Variants in CLYBL observed in about 807,000 individuals in gnomAD.
The protein encoded by CLYBL is citramalyl-CoA lyase.
In CLYBL, 31 loss-of-function variants were observed where a neutral mutation model predicts 38.9. That is an observed-to-expected ratio of 0.80 (90% CI 0.60 to 1.08). The LOEUF is 1.08. CLYBL is among the 50% of genes least tolerant of loss of function. The pLI is 0.00. For missense variants in CLYBL, 434 were observed against 411.6 expected (o/e 1.05, Z -0.47); for synonymous variants, 171 against 158.6 (o/e 1.08, Z -0.59).
intron 2 of CLYBL, among the ~76,000 whole-genome samples, chr13:99,853,178 T>C (rs905426474): frequency 6.6e-6 from 1 of 152,094 alleles, no homozygotes; most frequent in African/African-American, 2.4e-5. Flanking sequence ...ATTCTTTTCA[T>C]AGGTTTATTG....
At chr13:99,712,142 CT>C (rs2139495882) in intron 1 of CLYBL, among the ~76,000 whole-genome samples, 1 of 152,264 alleles carries the variant, frequency 6.6e-6, no homozygotes, top group Admixed American at 6.5e-5. Context: ...CAGAAACATT[CT>C]GTCTATAGTA....
At chr13:99,630,010 C>A (rs2046921171) in intron 1 of CLYBL, among the ~76,000 whole-genome samples, 2 of 152,174 alleles carry the variant, frequency 1.3e-5, no homozygotes. Flanking sequence ...GCTCTGCTCA[C>A]CCCTGCCCCA....
chr13:99,845,792 G>A (rs1000626908), intron 2 of CLYBL, among the ~76,000 whole-genome samples: 7 of 152,116 alleles, frequency 4.6e-5, no homozygotes, highest in African/African-American at 1.7e-4. Flanking sequence ...GTTCTCCAGC[G>A]ATCCTCAGTC....
At chr13:99,817,352 G>A (rs1243837199) in intron 2 of CLYBL, among the ~76,000 whole-genome samples, 31 of 152,160 alleles carry the variant, frequency 2.0e-4, no homozygotes, top group Non-Finnish European at 4.4e-5. Context: ...GATTAAGAGA[G>A]AGAAGATGTG....
At chr13:99,880,068 A>ATATATTTTT (rs34063235) in intron 7 of CLYBL, among the ~76,000 whole-genome samples, 6 of 101,210 alleles carry the variant, frequency 5.9e-5, no homozygotes, top group African/African-American at 2.4e-4. Flanking sequence ...ATATATATAT[A>ATATATTTTT]TTTTTTTTTT....
intron 1 of CLYBL, among the ~76,000 whole-genome samples, chr13:99,630,089 G>GC (rs2046922419): frequency 6.6e-6 from 1 of 152,170 alleles, no homozygotes; most frequent in Non-Finnish European, 1.5e-5. Flanking sequence ...GCACCCCTGG[G>GC]AGGATGGGGG....
chr13:99,749,794 G>T (rs2048921320), intron 1 of CLYBL, among the ~76,000 whole-genome samples: 2 of 152,226 alleles, frequency 1.3e-5, no homozygotes, highest in African/African-American at 4.8e-5. Context: ...CTGTTCTTTT[G>T]CTCCCGTGTC....
intron 1 of CLYBL, among the ~76,000 whole-genome samples, chr13:99,746,498 A>T (rs527472351): frequency 6.6e-6 from 1 of 152,200 alleles, no homozygotes; most frequent in African/African-American, 2.4e-5. Flanking sequence ...TAGCTACTAA[A>T]TATTGTCTTT....
In CLYBL at chr13:99,750,503, G is replaced by A. The variant is rs147268336; in HGVS notation, c.63-22321G>A. On this transcript the variant is annotated intron_variant, in intron 1 of 8. Coordinates refer to ENST00000339105, the MANE Select transcript of CLYBL (RefSeq NM_206808.5). The stretch of plus-strand genomic sequence containing the variant: ...AGCCTGGCCAACATGGTGAAACCCC[G>A]TCTCTACCAAAAATTAAAAAATTAG... Among the ~76,000 whole-genome samples the A allele has an allele frequency of 2.2e-3, 334 of 151,938 alleles. 3 individuals are homozygous for A. In the East Asian group the frequency reaches 0.04, roughly 18 times the overall value.
chr13:99,692,448 C>T lies in CLYBL; in HGVS notation c.63-80376C>T, dbSNP rs7988332. Among the ~76,000 whole-genome samples, 71 of 152,144 alleles carry T rather than the reference C, an allele frequency of 4.7e-4. 1 individual carries two copies. Among genetic ancestry groups the T allele is most frequent in the South Asian group, 2.1e-4 (1 of 4,820 alleles). On this transcript the variant is annotated intron_variant, in intron 1 of 8. Coordinates refer to ENST00000339105, the MANE Select transcript of CLYBL (RefSeq NM_206808.5). ...CTGAGACTACAGGCACCCGCCATCA[C>T]GCCCGGTTAATTTTTTTGAACTTTT...
chr13:99,700,220 AG>A (rs1271339403), intron 1 of CLYBL, among the ~76,000 whole-genome samples: 1 of 152,054 alleles, frequency 6.6e-6, no homozygotes, highest in African/African-American at 2.4e-5. Flanking sequence ...TGGGAGGCCG[AG>A]GCATGCGGAT....
At chr13:99,720,530 C>T (rs1433506922) in intron 1 of CLYBL, among the ~76,000 whole-genome samples, 2 of 152,116 alleles carry the variant, frequency 1.3e-5, no homozygotes, top group African/African-American at 4.8e-5. Context: ...TGAAATATAC[C>T]ATTGGTCACT....
intron 2 of CLYBL, among the ~76,000 whole-genome samples, chr13:99,837,690 T>TTCTC (rs2050971247): frequency 1.3e-5 from 2 of 152,204 alleles, no homozygotes; most frequent in African/African-American, 4.8e-5. Flanking sequence ...CAGGTCTTTC[T>TTCTC]TCTCTGTGCT....
At chr13:99,703,016 A>G (rs1047624229) in intron 1 of CLYBL, among the ~76,000 whole-genome samples, 5 of 152,246 alleles carry the variant, frequency 3.3e-5, no homozygotes, top group African/African-American at 9.6e-5. Context: ...AAAGGGTGCT[A>G]TATTCATTGT....
At chr13:99,733,324 T>A (rs541706773) in intron 1 of CLYBL, among the ~76,000 whole-genome samples, 1 of 151,470 alleles carries the variant, frequency 6.6e-6, no homozygotes, top group Admixed American at 6.6e-5. Context: ...ACCAGGGAAA[T>A]TAACAGACTT....
intron 2 of CLYBL, among the ~76,000 whole-genome samples, chr13:99,806,115 C>A (rs1362799684): frequency 6.6e-6 from 1 of 152,066 alleles, no homozygotes; most frequent in Non-Finnish European, 1.5e-5. Context: ...TCCTCTTATA[C>A]TTATTTCTTT....
intron 1 of CLYBL, among the ~76,000 whole-genome samples, chr13:99,635,754 T>A (rs994924976): frequency 1.3e-5 from 2 of 152,172 alleles, no homozygotes; most frequent in African/African-American, 4.8e-5. Context: ...TGGTCTCAAT[T>A]CTGGTCTTTC....
intron 1 of CLYBL, among the ~76,000 whole-genome samples, chr13:99,720,763 CTT>C (rs952546311): frequency 1.3e-5 from 2 of 152,052 alleles, no homozygotes; most frequent in Non-Finnish European, 2.9e-5. Context: ...GGTAATCTGT[CTT>C]TTCTCTCTAT....
At chr13:99,820,306 C>T (rs961765116) in intron 2 of CLYBL, among the ~76,000 whole-genome samples, 1 of 152,190 alleles carries the variant, frequency 6.6e-6, no homozygotes, top group African/African-American at 2.4e-5. Context: ...CCTGCACTCC[C>T]GTGCACTCAC....
Sources: gnomAD v4.1 joint callset for allele counts (sites outside exome capture counted in the v4.1 genomes callset) on GRCh38, gnomAD v4.1.1 for gene constraint, MANE v1.5 for transcripts, NCBI Gene and HGNC (gene_info 2026-07-23, HGNC 2026-07-21) for gene names.